CCSER1: variants seen among roughly 807,000 people sequenced by gnomAD.
CCSER1 encodes serine-rich coiled-coil domain-containing protein 1.
In CCSER1, 41 loss-of-function variants were observed where a neutral mutation model predicts 82.0. The observed-to-expected ratio is 0.50, with a 90% CI of 0.39 to 0.65. CCSER1 has a LOEUF of 0.65. Ranked by LOEUF, CCSER1 falls within the 30% of genes least tolerant of loss-of-function variation. The pLI is 0.00. For missense variants in CCSER1, 1,119 were observed against 1,064.2 expected (o/e 1.05, Z -0.72); for synonymous variants, 414 against 383.9 (o/e 1.08, Z -0.92).
intron 8 of CCSER1, among the ~76,000 whole-genome samples, chr4:90,832,368 G>T (rs1157670579): frequency 5.3e-5 from 8 of 151,988 alleles, no homozygotes; most frequent in African/African-American, 1.7e-4. Flanking sequence ...TTTCTGAGCT[G>T]CAGTGAATGA....
intron 9 of CCSER1, among the ~76,000 whole-genome samples, chr4:91,011,362 A>G (rs1738992117): frequency 7.5e-6 from 1 of 134,074 alleles, no homozygotes; most frequent in African/African-American, 2.5e-5. Flanking sequence ...TGGATCTGAC[A>G]TGGCATGCAA....
At chr4:90,406,141 A>G (rs947181909) in intron 4 of CCSER1, among the ~76,000 whole-genome samples, 6 of 152,184 alleles carry the variant, frequency 3.9e-5, no homozygotes, top group African/African-American at 1.4e-4. Flanking sequence ...AAGAATTCAC[A>G]TGAACTTAAG....
intron 10 of CCSER1, among the ~76,000 whole-genome samples, chr4:91,432,531 T>C (rs927754203): frequency 3.9e-5 from 6 of 152,170 alleles, no homozygotes; most frequent in Admixed American, 2.6e-4. Flanking sequence ...GAGTGTCTGT[T>C]TCCTATACCC....
intron 10 of CCSER1, among the ~76,000 whole-genome samples, chr4:91,108,888 AT>A (rs1405549586): frequency 1.3e-5 from 2 of 152,314 alleles, no homozygotes; most frequent in Non-Finnish European, 2.9e-5. Flanking sequence ...GAAGATTGGC[AT>A]TTGAATCAGT....
chr4:90,691,572 T>C (rs1735915460), intron 6 of CCSER1, among the ~76,000 whole-genome samples: 1 of 151,882 alleles, frequency 6.6e-6, no homozygotes. Flanking sequence ...GTATATCACA[T>C]GTATAATGCA....
At chr4:91,571,142 A>T (rs1400475959) in intron 10 of CCSER1, among the ~76,000 whole-genome samples, 1 of 152,166 alleles carries the variant, frequency 6.6e-6, no homozygotes, top group Non-Finnish European at 1.5e-5. Context: ...CACCATCAGC[A>T]TTTTGGCCAA....
intron 8 of CCSER1, among the ~76,000 whole-genome samples, chr4:90,838,163 A>G (rs1439509656): frequency 2.0e-5 from 3 of 151,840 alleles, no homozygotes; most frequent in Non-Finnish European, 4.4e-5. Context: ...ATATAAATCT[A>G]TATAAGAAAA....
intron 5 of CCSER1, among the ~76,000 whole-genome samples, chr4:90,570,615 C>T (rs542840350): frequency 1.1e-3 from 172 of 152,192 alleles, no homozygotes; most frequent in South Asian, 1.5e-3. Flanking sequence ...ATGCAGCCTA[C>T]TAAAATCTTC....
Position 91,601,235 on chromosome 4 carries a change from T to TAGAC in CCSER1, c.*2180_*2183dup, listed in dbSNP as rs1764804639. ...TATTTATAGAAGATCTGTCATTTAA[T>TAGAC]AGACATTTTAAGAGATGTTTTAAAC... On this transcript the variant is annotated 3_prime_UTR_variant, in exon 11 of 11. Transcript: ENST00000509176. 1 of 152,116 alleles carries TAGAC rather than the reference T, an allele frequency of 6.6e-6. No homozygotes were observed. The highest frequency in any genetic ancestry group is 1.5e-5 in the Non-Finnish European group (1 of 67,974). 9.4% of individuals were successfully genotyped at this position (152,116 alleles called of 1,614,324 possible). A position where few individuals can be genotyped will look rare whatever the true frequency, so the allele number is the denominator to read the frequency against.
chr4:90,811,572 G>GT (rs1462596299), intron 7 of CCSER1, among the ~76,000 whole-genome samples: 1 of 152,158 alleles, frequency 6.6e-6, no homozygotes, highest in African/African-American at 2.4e-5. Flanking sequence ...ATGGAGAGGA[G>GT]TAAGTCCAAG....
At chr4:91,352,805 A>G (rs989853887) in intron 10 of CCSER1, among the ~76,000 whole-genome samples, 5 of 152,064 alleles carry the variant, frequency 3.3e-5, no homozygotes, top group Non-Finnish European at 7.4e-5. Flanking sequence ...TGTGCCAAAC[A>G]CTCTTCTGGC....
intron 5 of CCSER1, among the ~76,000 whole-genome samples, chr4:90,616,111 T>A (rs1432219195): frequency 6.6e-6 from 1 of 152,228 alleles, no homozygotes; most frequent in Non-Finnish European, 1.5e-5. Context: ...ACATTGTTTT[T>A]TAGACATAAT....
At chr4:91,533,566 C>T (rs1761142359) in intron 10 of CCSER1, among the ~76,000 whole-genome samples, 1 of 152,080 alleles carries the variant, frequency 6.6e-6, no homozygotes, top group African/African-American at 2.4e-5. Context: ...CTCAATTTTG[C>T]AGAAGGCTGG....
intron 10 of CCSER1, among the ~76,000 whole-genome samples, chr4:91,597,330 AC>A: frequency 6.6e-6 from 1 of 152,252 alleles, no homozygotes; most frequent in East Asian, 1.9e-4. Flanking sequence ...ATTATCTCAA[AC>A]TTTATTCAGC....
At chr4:90,232,165 G>C (rs900862665) in intron 1 of CCSER1, among the ~76,000 whole-genome samples, 1 of 152,116 alleles carries the variant, frequency 6.6e-6, no homozygotes, top group African/African-American at 2.4e-5. Flanking sequence ...ACATCGCCAA[G>C]TCAATCCTAA....
chr4:91,184,996 C>A (rs1734389925), intron 10 of CCSER1, among the ~76,000 whole-genome samples: 1 of 152,202 alleles, frequency 6.6e-6, no homozygotes, highest in South Asian at 2.1e-4. Context: ...CTTTGATATA[C>A]TTCAGGGCCT....
intron 1 of CCSER1, among the ~76,000 whole-genome samples, chr4:90,211,458 T>A (rs1052087294): frequency 9.2e-5 from 14 of 152,164 alleles, no homozygotes; most frequent in Non-Finnish European, 1.8e-4. Flanking sequence ...TGCTCACAGG[T>A]ATATAGGAAA....
intron 10 of CCSER1, among the ~76,000 whole-genome samples, chr4:91,216,650 T>A (rs1289717806): frequency 6.6e-6 from 1 of 152,222 alleles, no homozygotes; most frequent in Non-Finnish European, 1.5e-5. Flanking sequence ...TTTTTATGTT[T>A]AAGAGACTTT....
intron 7 of CCSER1, among the ~76,000 whole-genome samples, chr4:90,730,707 C>CA (rs1488170227): frequency 1.2e-4 from 18 of 152,058 alleles, no homozygotes; most frequent in African/African-American, 4.3e-4. Context: ...GATTATGGAA[C>CA]ATTTTAGTAG....
Sources: gnomAD v4.1 joint callset for allele counts (sites outside exome capture counted in the v4.1 genomes callset) on GRCh38, gnomAD v4.1.1 for gene constraint, MANE v1.5 for transcripts, NCBI Gene and HGNC (gene_info 2026-07-23, HGNC 2026-07-21) for gene names.